The following LRIG1 variants were observed in gnomAD, a reference collection of about 807,000 sequenced individuals.
LRIG1 encodes the protein leucine-rich repeats and immunoglobulin-like domains protein 1.
Under a neutral mutation model 99.2 loss-of-function variants are expected in LRIG1, and 48 were observed. The ratio of observed to expected loss-of-function variants is 0.48; its 90% confidence interval spans 0.38 to 0.62. The LOEUF is 0.62. Ranked by LOEUF, LRIG1 falls within the 20% of genes least tolerant of loss-of-function variation. LRIG1 has a pLI of 0.00. For synonymous variants in LRIG1, 772 were observed against 596.1 expected (o/e 1.29, Z -4.30); for missense variants, 1,646 against 1,434.4 (o/e 1.15, Z -2.38).
rs543683749 is a variant in LRIG1, at chr3:66,383,425, T to TA, written c.2072-25dup. 3.6e-3 allele frequency: 5,542 copies of TA among 1,520,876 alleles called. 13 individuals are homozygous for TA. The highest frequency in any genetic ancestry group is 4.5e-3 in the Non-Finnish European group (5,094 of 1,131,384). 94.2% of individuals were successfully genotyped at this position (1,520,876 alleles called of 1,614,324 possible). On this transcript the variant is annotated intron_variant, in intron 14 of 18. Transcript: ENST00000273261. ...CTCTACAAGAGAGCAACAGAGATCT[T>TA]AGTCATTCTCAGGGCCTCCGTTGCT...
chr3:66,490,236 A>C (rs993112181), intron 1 of LRIG1, among the ~76,000 whole-genome samples: 2 of 152,196 alleles, frequency 1.3e-5, no homozygotes, highest in Non-Finnish European at 2.9e-5. Context: ...GATGAGGCAG[A>C]TCTTAATAAC....
chr3:66,463,190 G>A (rs929644006), intron 1 of LRIG1, among the ~76,000 whole-genome samples: 1 of 152,196 alleles, frequency 6.6e-6, no homozygotes, highest in African/African-American at 2.4e-5. Context: ...GTCTACACAA[G>A]AGCTTAAGAC....
intron 2 of LRIG1, among the ~76,000 whole-genome samples, chr3:66,459,420 G>A (rs1056556916): frequency 3.3e-5 from 5 of 152,320 alleles, no homozygotes; most frequent in Admixed American, 1.3e-4. Context: ...CTCTGGCCAC[G>A]CACCCCTCCA....
At chr3:66,424,398 G>T (rs1298859776) in intron 3 of LRIG1, among the ~76,000 whole-genome samples, 3 of 152,140 alleles carry the variant, frequency 2.0e-5, no homozygotes, top group African/African-American at 7.2e-5. Flanking sequence ...TCAAACCCCT[G>T]CAGGGAAGCC....
At chr3:66,447,131 T>C (rs1174513275) in intron 3 of LRIG1, among the ~76,000 whole-genome samples, 1 of 152,216 alleles carries the variant, frequency 6.6e-6, no homozygotes, top group African/African-American at 2.4e-5. Context: ...GTACAAGAGC[T>C]GTTTTGAAAC....
At chr3:66,424,071 C>CA (rs1296786142) in intron 3 of LRIG1, among the ~76,000 whole-genome samples, 1 of 152,192 alleles carries the variant, frequency 6.6e-6, no homozygotes, top group Non-Finnish European at 1.5e-5. Context: ...TCAGAGCTCT[C>CA]ACTCTTAACT....
At chr3:66,483,804 G>A (rs928706196) in intron 1 of LRIG1, among the ~76,000 whole-genome samples, 1 of 150,762 alleles carries the variant, frequency 6.6e-6, no homozygotes, top group East Asian at 1.9e-4. Flanking sequence ...AGGGCACCGC[G>A]GGCTCCCTCG....
intron 3 of LRIG1, among the ~76,000 whole-genome samples, chr3:66,419,003 G>T (rs983021942): frequency 5.9e-5 from 9 of 151,562 alleles, no homozygotes; most frequent in Admixed American, 5.2e-4. Context: ...GGCTCCAAAG[G>T]AAAAAAGAAA....
chr3:66,467,668 G>C (rs1700505783), intron 1 of LRIG1, among the ~76,000 whole-genome samples: 1 of 152,208 alleles, frequency 6.6e-6, no homozygotes, highest in Admixed American at 6.5e-5. Flanking sequence ...GCCCACATTA[G>C]CTATATTTCA....
intron 12 of LRIG1, among the ~76,000 whole-genome samples, chr3:66,391,497 CTAAG>C (rs780381504): frequency 2.2e-4 from 33 of 152,108 alleles, no homozygotes; most frequent in Non-Finnish European, 4.3e-4. Flanking sequence ...AAAAATTATG[CTAAG>C]TGAGAAAAGC....
chr3:66,415,162 G>GT, intron 4 of LRIG1, 99 bp from the exon 5 acceptor site: 1 of 1,250,460 alleles, frequency 8.0e-7, no homozygotes, highest in Non-Finnish European at 1.1e-6. Flanking sequence ...GGGAAGATGA[G>GT]TTAAGACACC....
chr3:66,382,173 C>G, intron 16 of LRIG1, 100 bp downstream of exon 16: 1 of 1,427,436 alleles, frequency 7.0e-7, no homozygotes. Context: ...TTTGCCCCAT[C>G]TAATGCCAGG....
At chr3:66,407,774 G>A (rs2106656965) in intron 7 of LRIG1, among the ~76,000 whole-genome samples, 1 of 152,224 alleles carries the variant, frequency 6.6e-6, no homozygotes, top group East Asian at 1.9e-4. Context: ...GACTACACAC[G>A]AGGTCATGAC....
chr3:66,464,826 A>G (rs1349935962), intron 1 of LRIG1, among the ~76,000 whole-genome samples: 1 of 152,210 alleles, frequency 6.6e-6, no homozygotes. Context: ...TCTTTCCCTT[A>G]AAGAGCAGAC....
chr3:66,397,966 A>G (rs995690033), intron 11 of LRIG1, 146 bp downstream of exon 11: 2 of 646,670 alleles, frequency 3.1e-6, no homozygotes, highest in Non-Finnish European at 5.4e-6. Flanking sequence ...GCAATCAAGT[A>G]GTCATGACAG....
intron 1 of LRIG1, among the ~76,000 whole-genome samples, chr3:66,473,322 TC>T (rs1700645774): frequency 6.6e-6 from 1 of 152,172 alleles, no homozygotes; most frequent in African/African-American, 2.4e-5. Flanking sequence ...GAAAAACCCT[TC>T]CTGGGAAGCC....
intron 1 of LRIG1, among the ~76,000 whole-genome samples, chr3:66,481,805 A>G (rs1382191156): frequency 2.6e-5 from 4 of 152,220 alleles, no homozygotes; most frequent in African/African-American, 9.6e-5. Flanking sequence ...CGTTCAGTGC[A>G]CTACTTTTAC....
intron 3 of LRIG1, among the ~76,000 whole-genome samples, chr3:66,435,876 C>T (rs746790648): frequency 6.6e-6 from 1 of 152,042 alleles, no homozygotes; most frequent in Non-Finnish European, 1.5e-5. Flanking sequence ...ACGGTGGAAT[C>T]AGATGGAAAG....
chr3:66,430,497 G>A (rs1350846614), intron 3 of LRIG1, among the ~76,000 whole-genome samples: 3 of 152,124 alleles, frequency 2.0e-5, no homozygotes, highest in Non-Finnish European at 2.9e-5. Flanking sequence ...GCCACAGCTC[G>A]GCCCTGCCTG....
Sources: gnomAD v4.1 joint callset for allele counts (sites outside exome capture counted in the v4.1 genomes callset) on GRCh38, gnomAD v4.1.1 for gene constraint, MANE v1.5 for transcripts, NCBI Gene and HGNC (gene_info 2026-07-23, HGNC 2026-07-21) for gene names.